PIP4K2A: variants seen among roughly 807,000 people sequenced by gnomAD.
The protein encoded by PIP4K2A is phosphatidylinositol 5-phosphate 4-kinase type-2 alpha.
Under a neutral mutation model 42.9 loss-of-function variants are expected in PIP4K2A, and 14 were observed. That is an observed-to-expected ratio of 0.33 (90% CI 0.22 to 0.51). PIP4K2A has a LOEUF of 0.51. Ranked by LOEUF, PIP4K2A falls within the 20% of genes least tolerant of loss-of-function variation. PIP4K2A has a pLI of 0.97. For synonymous variants in PIP4K2A, 192 were observed against 192.2 expected (o/e 1.00, Z 0.01); for missense variants, 434 against 519.8 (o/e 0.83, Z 1.61).
intron 4 of PIP4K2A, among the ~76,000 whole-genome samples, chr10:22,573,999 G>A (rs748729163): frequency 1.2e-4 from 18 of 152,242 alleles, no homozygotes; most frequent in Admixed American, 2.0e-4. Context: ...TAGCACCCTC[G>A]CTCCTGCTCT....
At chr10:22,684,407 G>A (rs1436637295) in intron 1 of PIP4K2A, among the ~76,000 whole-genome samples, 3 of 152,072 alleles carry the variant, frequency 2.0e-5, no homozygotes, top group South Asian at 2.1e-4. Context: ...AAACTTTTAA[G>A]CTTATATTCC....
At chr10:22,598,221 G>C (rs964064716) in intron 3 of PIP4K2A, among the ~76,000 whole-genome samples, 1 of 152,086 alleles carries the variant, frequency 6.6e-6, no homozygotes, top group Non-Finnish European at 1.5e-5. Context: ...AGCCGGATGT[G>C]GTGGTGCGTG....
intron 4 of PIP4K2A, among the ~76,000 whole-genome samples, chr10:22,590,272 G>C (rs1306052878): frequency 6.6e-6 from 1 of 152,214 alleles, no homozygotes; most frequent in Non-Finnish European, 1.5e-5. Flanking sequence ...GGTCCTAAAA[G>C]CAACAATGTG....
chr10:22,540,185 G>A (rs1009831958), intron 8 of PIP4K2A, 111 bp from the exon 9 acceptor site: 2 of 720,956 alleles, frequency 2.8e-6, no homozygotes, highest in African/African-American at 3.5e-5. Context: ...GGGATTCAAT[G>A]GAACGCGGAT....
intron 6 of PIP4K2A, among the ~76,000 whole-genome samples, chr10:22,561,448 TCAA>T (rs1836692282): frequency 6.6e-6 from 1 of 151,342 alleles, no homozygotes; most frequent in African/African-American, 2.4e-5. Context: ...AAACTTGTCA[TCAA>T]CAAGTTAAAA....
chr10:22,540,842 A>T (rs1836087543), intron 8 of PIP4K2A, among the ~76,000 whole-genome samples: 1 of 152,246 alleles, frequency 6.6e-6, no homozygotes, highest in African/African-American at 2.4e-5. Flanking sequence ...GGCATGAACC[A>T]CTGCGCCCGG....
chr10:22,646,434 G>A (rs780419905), intron 1 of PIP4K2A, among the ~76,000 whole-genome samples: 4 of 152,024 alleles, frequency 2.6e-5, no homozygotes, highest in East Asian at 3.9e-4. Context: ...AGCTCATTTC[G>A]TATTTGGTTT....
At chr10:22,566,027 T>C (rs1480488069) in intron 6 of PIP4K2A, among the ~76,000 whole-genome samples, 1 of 152,206 alleles carries the variant, frequency 6.6e-6, no homozygotes, top group Non-Finnish European at 1.5e-5. Context: ...CGAAACTTCA[T>C]TAGCAATTTT....
At chr10:22,672,972 G>T (rs983981342) in intron 1 of PIP4K2A, among the ~76,000 whole-genome samples, 1 of 152,180 alleles carries the variant, frequency 6.6e-6, no homozygotes, top group Non-Finnish European at 1.5e-5. Context: ...GTAAGGAAAC[G>T]GAGATCCAGT....
intron 1 of PIP4K2A, among the ~76,000 whole-genome samples, chr10:22,700,157 C>T (rs1833688002): frequency 6.6e-6 from 1 of 152,194 alleles, no homozygotes; most frequent in South Asian, 2.1e-4. Context: ...ATTTGGCTTG[C>T]TGCCTTGAGC....
intron 1 of PIP4K2A, among the ~76,000 whole-genome samples, chr10:22,611,214 C>T (rs1409397): frequency 9.2e-5 from 14 of 151,774 alleles, no homozygotes; most frequent in Admixed American, 3.9e-4. Context: ...CAGAATTCGT[C>T]TCTAACAAAT....
chr10:22,540,731 T>G (rs1403679830), intron 8 of PIP4K2A, among the ~76,000 whole-genome samples: 1 of 152,160 alleles, frequency 6.6e-6, no homozygotes, highest in Non-Finnish European at 1.5e-5. Flanking sequence ...AATTTCATAT[T>G]TTTAGTAGAG....
chr10:22,656,911 C>G (rs148153822), intron 1 of PIP4K2A, among the ~76,000 whole-genome samples: 1 of 152,058 alleles, frequency 6.6e-6, no homozygotes, highest in African/African-American at 2.4e-5. Flanking sequence ...TCTTTCTGAT[C>G]AAGTCAGTTT....
chr10:22,555,011 C>A (rs1161584616), intron 6 of PIP4K2A, among the ~76,000 whole-genome samples: 2 of 152,214 alleles, frequency 1.3e-5, no homozygotes, highest in Non-Finnish European at 2.9e-5. Context: ...TTCATCTCCG[C>A]TAATGTGACG....
chr10:22,550,826 A>C (rs1836393324), intron 6 of PIP4K2A, 54 bp from the exon 7 acceptor site: 1 of 1,050,450 alleles, frequency 9.5e-7, no homozygotes, highest in South Asian at 1.3e-5. Flanking sequence ...ACCTAAAAAA[A>C]CCACATACAC....
chr10:22,576,505 G>A (rs1837125390), intron 4 of PIP4K2A, among the ~76,000 whole-genome samples: 1 of 152,144 alleles, frequency 6.6e-6, no homozygotes, highest in Non-Finnish European at 1.5e-5. Context: ...TACAGCTTTA[G>A]CCGGGGTCTC....
chr10:22,596,189 G>C (rs2130828447), intron 3 of PIP4K2A, among the ~76,000 whole-genome samples: 1 of 89,082 alleles, frequency 1.1e-5, no homozygotes, highest in Middle Eastern at 7.2e-3. Flanking sequence ...TGGGCAACAA[G>C]AGCAAAACTC....
At chr10:22,555,602 A>T (rs1836517467) in intron 6 of PIP4K2A, among the ~76,000 whole-genome samples, 1 of 152,156 alleles carries the variant, frequency 6.6e-6, no homozygotes, top group Non-Finnish European at 1.5e-5. Context: ...TACTTATATA[A>T]TGGGTAATTA....
chr10:22,706,500 C>T (rs925103066), intron 1 of PIP4K2A, among the ~76,000 whole-genome samples: 30 of 152,222 alleles, frequency 2.0e-4, no homozygotes, highest in Admixed American at 1.4e-3. Flanking sequence ...GACGTCATGC[C>T]TTTGCTCAAT....
Sources: gnomAD v4.1 joint callset for allele counts (sites outside exome capture counted in the v4.1 genomes callset) on GRCh38, gnomAD v4.1.1 for gene constraint, MANE v1.5 for transcripts, NCBI Gene and HGNC (gene_info 2026-07-23, HGNC 2026-07-21) for gene names.